The following REPS1 variants were observed in gnomAD, a reference collection of about 807,000 sequenced individuals.
REPS1 encodes ralBP1-associated Eps domain-containing protein 1.
REPS1 carries 39 observed loss-of-function variants against 100.9 expected under a neutral mutation model. The observed-to-expected ratio is 0.39, with a 90% CI of 0.30 to 0.50. The LOEUF (loss-of-function observed/expected upper bound fraction) is 0.50. Among genes scored for constraint, REPS1 ranks in the 20% least tolerant of loss-of-function variants. REPS1 has a pLI of 0.86. For missense variants in REPS1, 821 were observed against 968.5 expected (o/e 0.85, Z 2.02); for synonymous variants, 324 against 340.3 (o/e 0.95, Z 0.53).
intron 1 of REPS1, among the ~76,000 whole-genome samples, chr6:138,950,117 A>G (rs1782917696): frequency 6.6e-6 from 1 of 152,142 alleles, no homozygotes; most frequent in Admixed American, 6.6e-5. Context: ...TACAAGTCTG[A>G]CCAAACTGGA....
At chr6:138,905,415 C>A (rs1468381099) in intron 19 of REPS1, among the ~76,000 whole-genome samples, 2 of 151,518 alleles carry the variant, frequency 1.3e-5, no homozygotes, top group African/African-American at 2.4e-5. Flanking sequence ...CCTCAGCCTC[C>A]CGAGTAGCTG....
In REPS1 at chr6:138,917,643, T is replaced by A; in HGVS notation, c.1529-16A>T. The A allele has an allele frequency of 6.3e-7, 1 of 1,596,318 alleles. No individual in the cohort carries two copies. The highest frequency in any genetic ancestry group is 8.6e-7 in the Non-Finnish European group (1 of 1,164,714). ...TAACCATCTGCTGATAAATGGGATA[T>A]GTCCTATTTAATAATAATCATTTCT... On this transcript the variant is annotated splice_polypyrimidine_tract_variant and intron_variant, in intron 12 of 19. Coordinates refer to ENST00000450536, the MANE Select transcript of REPS1 (RefSeq NM_001286611.2).
In REPS1 at chr6:138,914,610, C is replaced by T. The variant is rs1436313830; in HGVS notation, c.1785+87G>A. The T allele has an allele frequency of 1.0e-5, 11 of 1,054,910 alleles. No individual in the cohort carries two copies. In the East Asian group the frequency reaches 2.6e-4, roughly 25 times the overall value. 65.3% of individuals were successfully genotyped at this position (1,054,910 alleles called of 1,614,324 possible). ...AAGATTACCAACAGATCATTCCTGA[C>T]CTTCCAAATAATTTGAGAATAGAAT... On this transcript the variant is annotated intron_variant, in intron 15 of 19. Coordinates refer to ENST00000450536, the MANE Select transcript of REPS1 (RefSeq NM_001286611.2).
chr6:138,947,720 T>C (rs1338823341), intron 2 of REPS1, 70 bp downstream of exon 2: 49 of 1,304,580 alleles, frequency 3.8e-5, no homozygotes, highest in Non-Finnish European at 5.0e-5. Context: ...GACACAAGAG[T>C]TCTATTGACT....
At chr6:138,933,323 C>T (rs1365166485) in intron 8 of REPS1, among the ~76,000 whole-genome samples, 1 of 152,158 alleles carries the variant, frequency 6.6e-6, no homozygotes, top group Non-Finnish European at 1.5e-5. Context: ...TTCAGCTCCA[C>T]CATTATGGTG....
chr6:138,936,494 T>C (rs1212840238), intron 8 of REPS1, among the ~76,000 whole-genome samples: 2 of 151,970 alleles, frequency 1.3e-5, no homozygotes, highest in African/African-American at 2.4e-5. Context: ...ATGGTGTATC[T>C]TTACTAATAT....
At chr6:138,959,352 C>T (rs1349747211) in intron 1 of REPS1, among the ~76,000 whole-genome samples, 1 of 152,088 alleles carries the variant, frequency 6.6e-6, no homozygotes, top group Non-Finnish European at 1.5e-5. Flanking sequence ...AGCCTGAATC[C>T]ATGAGCTGAA....
At chr6:138,962,140 G>T (rs1388400788) in intron 1 of REPS1, among the ~76,000 whole-genome samples, 2 of 152,098 alleles carry the variant, frequency 1.3e-5, no homozygotes, top group Admixed American at 1.3e-4. Flanking sequence ...TGTCCCAAAG[G>T]TATTCACAAT....
At chr6:138,966,535 T>C (rs62440377) in intron 1 of REPS1, among the ~76,000 whole-genome samples, 22,570 of 152,178 alleles carry the variant, frequency 0.15, 1,773 homozygotes, top group African/African-American at 0.17. Flanking sequence ...GGTACTGTTT[T>C]ATAGCTGAGA....
intron 1 of REPS1, among the ~76,000 whole-genome samples, chr6:138,973,366 A>G (rs961571666): frequency 6.6e-6 from 1 of 152,152 alleles, no homozygotes. Flanking sequence ...AAAAATTATG[A>G]AGGAAACCAA....
In REPS1 at chr6:138,904,516, G is replaced by A. The variant is rs1779514638; in HGVS notation, c.*548C>T. 6.6e-6 allele frequency: 1 copy of A among 152,208 alleles called. No individual in the cohort carries two copies. The allele number at this position is 152,208 out of a possible 1,614,324, so 9.4% of individuals were successfully genotyped here. On this transcript the variant is annotated 3_prime_UTR_variant, in exon 20 of 20. Transcript: ENST00000450536. ...CACATGTTTGTATTTGTCACAAGTT[G>A]ACATGTAAAAGAGGCTTCAATGTAC... is the stretch of plus-strand genomic sequence containing the variant.
chr6:138,935,783 G>A (rs550518467), intron 8 of REPS1, among the ~76,000 whole-genome samples: 3 of 148,976 alleles, frequency 2.0e-5, no homozygotes, highest in African/African-American at 7.4e-5. Flanking sequence ...GAACCTGGGA[G>A]GGGGAGGTTG....
At chr6:138,943,404 C>T (rs1782393192) in intron 7 of REPS1, 109 bp downstream of exon 7, 1 of 607,762 alleles carries the variant, frequency 1.6e-6, no homozygotes, top group East Asian at 2.6e-5. Flanking sequence ...AGTTCTTTGA[C>T]AGCATTCTTG....
rs773482174 is a variant in REPS1 at position 138,929,656 on chromosome 6, C to T, written c.1257+321G>A. The T allele has an allele frequency of 2.6e-5, 5 of 194,658 alleles. No homozygotes were observed. In the East Asian group the frequency reaches 3.6e-4, roughly 14 times the overall value. 12.1% of individuals were successfully genotyped at this position (194,658 alleles called of 1,614,324 possible). A position where few individuals can be genotyped will look rare whatever the true frequency, so the allele number is the denominator to read the frequency against. ...AGTTGACTAGATATCAAAGGACTTACGTTCAAATCCTAGCTCTCGTCCCTC... is the reference window on the plus strand; with the variant it reads ...AGTTGACTAGATATCAAAGGACTTATGTTCAAATCCTAGCTCTCGTCCCTC... On this transcript the variant is annotated intron_variant, in intron 9 of 19. Coordinates refer to ENST00000450536, the MANE Select transcript of REPS1 (RefSeq NM_001286611.2).
At chr6:138,926,803 A>G (rs1291699165) in intron 9 of REPS1, 1 of 185,784 alleles carries the variant, frequency 5.4e-6, no homozygotes, top group Non-Finnish European at 1.1e-5. Flanking sequence ...CCAAGTAAAA[A>G]TGCTAAAGAG....
intron 1 of REPS1, among the ~76,000 whole-genome samples, chr6:138,974,294 G>A (rs73564722): frequency 0.088 from 13,379 of 152,080 alleles, 1,232 homozygotes; most frequent in African/African-American, 0.23. Flanking sequence ...GTAAGAGCAT[G>A]CACTTTCCTA....
chr6:138,975,257 A>T (rs1784535833), intron 1 of REPS1, among the ~76,000 whole-genome samples: 2 of 152,140 alleles, frequency 1.3e-5, no homozygotes, highest in Admixed American at 1.3e-4. Context: ...ACCATTCTAT[A>T]GGCTCAAAAC....
At chr6:138,975,798 C>A (rs148980136) in intron 1 of REPS1, among the ~76,000 whole-genome samples, 2 of 151,976 alleles carry the variant, frequency 1.3e-5, no homozygotes, top group Admixed American at 6.6e-5. Flanking sequence ...TGTGCCATTG[C>A]GCTCCAGCCT....
In REPS1 at chr6:138,947,781, T is replaced by C; in HGVS notation, c.277+9A>G. ...TTTTCTTTCGGTTACTAGTGTACTC[T>C]ATATTTACCTGTATTTATACTTTCC... On this transcript the variant is annotated intron_variant, in intron 2 of 19. Coordinates refer to ENST00000450536, the MANE Select transcript of REPS1 (RefSeq NM_001286611.2). 2 of 1,577,682 alleles carry C rather than the reference T, an allele frequency of 1.3e-6. No homozygotes were observed. The highest frequency in any genetic ancestry group is 1.7e-6 in the Non-Finnish European group (2 of 1,166,762).
Sources: gnomAD v4.1 joint callset for allele counts (sites outside exome capture counted in the v4.1 genomes callset) on GRCh38, gnomAD v4.1.1 for gene constraint, MANE v1.5 for transcripts, NCBI Gene and HGNC (gene_info 2026-07-23, HGNC 2026-07-21) for gene names.